ZFYVE9: variants seen among roughly 807,000 people sequenced by gnomAD.
The protein encoded by ZFYVE9 is zinc finger FYVE domain-containing protein 9.
ZFYVE9 carries 43 observed loss-of-function variants against 126.7 expected under a neutral mutation model. The ratio of observed to expected loss-of-function variants is 0.34; its 90% confidence interval spans 0.27 to 0.44. The LOEUF is 0.44. Ranked by LOEUF, ZFYVE9 falls within the 20% of genes least tolerant of loss-of-function variation. The pLI, the probability that ZFYVE9 is intolerant of heterozygous loss-of-function variation, is 1.00. For synonymous variants in ZFYVE9, 521 were observed against 597.4 expected, an observed-to-expected ratio of 0.87 and a Z score of 1.87; for missense variants, 1,476 against 1,697.0, an observed-to-expected ratio of 0.87 and a Z score of 2.29.
At chr1:52,177,394 C>T (rs537803186) in intron 1 of ZFYVE9, among the ~76,000 whole-genome samples, 53 of 152,266 alleles carry the variant, frequency 3.5e-4, no homozygotes, top group Admixed American at 2.6e-4. Context: ...ATGATCCATC[C>T]GCCTCGCCGC....
In ZFYVE9 at chr1:52,180,625, A is replaced by G. The variant is rs1572079214; in HGVS notation, c.-142-35744A>G. On this transcript the variant is annotated intron_variant, in intron 1 of 18. Transcript: ENST00000287727. The stretch of plus-strand genomic sequence containing the variant: ...TTAAAAAAGGATAAAGTAAGAATGA[A>G]TTCTTCTGGTTTTTAGTTTTGTACA... 4 of 505,644 alleles carry G rather than the reference A, an allele frequency of 7.9e-6. No individual in the cohort carries two copies. In the East Asian group the frequency reaches 1.4e-4, roughly 18 times the overall value. 31.3% of individuals were successfully genotyped at this position (505,644 alleles called of 1,614,324 possible). A position where few individuals can be genotyped will look rare whatever the true frequency, so the allele number is the denominator to read the frequency against.
chr1:52,310,516 C>T (rs1191841708), intron 13 of ZFYVE9, among the ~76,000 whole-genome samples: 1 of 151,948 alleles, frequency 6.6e-6, no homozygotes, highest in Non-Finnish European at 1.5e-5. Context: ...CCAGCCTAGG[C>T]AACATAGCAA....
chr1:52,338,979 C>T (rs1037965546), intron 16 of ZFYVE9, among the ~76,000 whole-genome samples: 2 of 152,108 alleles, frequency 1.3e-5, no homozygotes, highest in African/African-American at 2.4e-5. Flanking sequence ...CACTGCATTC[C>T]GGCCTGGACA....
At chr1:52,306,422 ACC>A (rs1173207854) in intron 13 of ZFYVE9, among the ~76,000 whole-genome samples, 1 of 152,030 alleles carries the variant, frequency 6.6e-6, no homozygotes, top group African/African-American at 2.4e-5. Context: ...GAGAGGAGCC[ACC>A]CACCCCAGGC....
At chr1:52,274,094 T>A (rs1645721122) in intron 7 of ZFYVE9, among the ~76,000 whole-genome samples, 2 of 152,172 alleles carry the variant, frequency 1.3e-5, no homozygotes, top group African/African-American at 4.8e-5. Context: ...TATTAAAGAT[T>A]AAGAAATTAT....
At chr1:52,219,749 T>TTTTGTGTG (rs1553126028) in intron 2 of ZFYVE9, among the ~76,000 whole-genome samples, 1 of 113,344 alleles carries the variant, frequency 8.8e-6, no homozygotes, top group Non-Finnish European at 1.8e-5. Flanking sequence ...CCAAGATCTT[T>TTTTGTGTG]TGTGTGTGTG....
At chr1:52,274,620 A>T (rs376220944) in intron 8 of ZFYVE9, 36 bp downstream of exon 8, 2 of 1,546,906 alleles carry the variant, frequency 1.3e-6, no homozygotes, top group African/African-American at 2.7e-5. Context: ...TGATAGTTCT[A>T]TCTGCCAAAT....
At chr1:52,167,243 A>G (rs1315205830) in intron 1 of ZFYVE9, among the ~76,000 whole-genome samples, 4 of 152,152 alleles carry the variant, frequency 2.6e-5, no homozygotes, top group African/African-American at 7.2e-5. Context: ...ATTGAAGAAA[A>G]ATGAGGCATA....
intron 7 of ZFYVE9, among the ~76,000 whole-genome samples, chr1:52,271,530 C>T (rs564234684): frequency 6.6e-6 from 1 of 152,092 alleles, no homozygotes; most frequent in South Asian, 2.1e-4. Context: ...CCCATCAACC[C>T]GTCATCTAGA....
chr1:52,159,790 ATTTTTC>A (rs1644438325), intron 1 of ZFYVE9, among the ~76,000 whole-genome samples: 1 of 151,076 alleles, frequency 6.6e-6, no homozygotes, highest in African/African-American at 2.4e-5. Context: ...TTTTGATGAC[ATTTTTC>A]TTTTTCTTTT....
chr1:52,269,351 G>A (rs758599390), intron 7 of ZFYVE9, among the ~76,000 whole-genome samples: 67 of 151,880 alleles, frequency 4.4e-4, no homozygotes, highest in Non-Finnish European at 8.8e-4. Flanking sequence ...GCTGCGTCTC[G>A]AACTCCTGAC....
intron 1 of ZFYVE9, among the ~76,000 whole-genome samples, chr1:52,191,474 G>A (rs555092022): frequency 6.6e-6 from 1 of 152,258 alleles, no homozygotes; most frequent in South Asian, 2.1e-4. Context: ...GTCTGGTGGA[G>A]TCCTTTTACT....
At chr1:52,260,139 C>T (rs1419817013) in intron 4 of ZFYVE9, among the ~76,000 whole-genome samples, 5 of 151,698 alleles carry the variant, frequency 3.3e-5, no homozygotes, top group African/African-American at 9.7e-5. Flanking sequence ...AACCTACCAG[C>T]GTATATTACT....
intron 1 of ZFYVE9, chr1:52,160,511 G>A (rs573221): frequency 0.97 from 760,557 of 783,476 alleles, 369,217 homozygotes; most frequent in East Asian, 1. Context: ...GGCTACTCTA[G>A]CCACCACGCT....
intron 4 of ZFYVE9, among the ~76,000 whole-genome samples, chr1:52,245,445 G>A (rs1645375471): frequency 6.6e-6 from 1 of 152,120 alleles, no homozygotes; most frequent in Non-Finnish European, 1.5e-5. Context: ...TATTTATTGA[G>A]TGTTTACCAT....
At chr1:52,245,706 A>G (rs1017946428) in intron 4 of ZFYVE9, among the ~76,000 whole-genome samples, 7 of 152,198 alleles carry the variant, frequency 4.6e-5, no homozygotes, top group African/African-American at 1.7e-4. Flanking sequence ...TTTATTATCT[A>G]ACTTAATCTT....
intron 4 of ZFYVE9, among the ~76,000 whole-genome samples, chr1:52,258,989 A>G (rs769253465): frequency 6.6e-6 from 1 of 151,998 alleles, no homozygotes; most frequent in African/African-American, 2.4e-5. Context: ...AATGTTCCCA[A>G]CTATATTAGT....
intron 2 of ZFYVE9, among the ~76,000 whole-genome samples, chr1:52,225,453 G>A (rs72665101): frequency 6.6e-6 from 1 of 152,158 alleles, no homozygotes; most frequent in African/African-American, 2.4e-5. Context: ...TCTGCCGAAG[G>A]GTGCTGCTTA....
chr1:52,318,370 ATGTGTGTGTGTGTGTG>A (rs59683935), intron 13 of ZFYVE9, among the ~76,000 whole-genome samples: 1,654 of 144,392 alleles, frequency 0.011, 28 homozygotes, highest in South Asian at 0.047. Context: ...GCATGATTGT[ATGTGTGTGTGTGTGTG>A]TGTGTGTGTG....
Sources: gnomAD v4.1 joint callset for allele counts (sites outside exome capture counted in the v4.1 genomes callset) on GRCh38, gnomAD v4.1.1 for gene constraint, MANE v1.5 for transcripts, NCBI Gene and HGNC (gene_info 2026-07-23, HGNC 2026-07-21) for gene names.